The following ST7 variants were observed in gnomAD, a reference collection of about 807,000 sequenced individuals.
ST7 encodes the protein suppression of tumorigenicity 7.
A neutral mutation model predicts 78.7 loss-of-function variants in ST7; 28 were observed. That is an observed-to-expected ratio of 0.36 (90% CI 0.26 to 0.49). The LOEUF (loss-of-function observed/expected upper bound fraction) is 0.49, where lower values mean the gene tolerates loss of function less well. Ranked by LOEUF, ST7 falls within the 20% of genes least tolerant of loss-of-function variation. The pLI is 0.99. For synonymous variants in ST7, 247 were observed against 249.6 expected (o/e 0.99, Z 0.10); for missense variants, 418 against 696.0 (o/e 0.60, Z 4.49).
intron 9 of ST7, chr7:117,146,261 T>G (rs1805783974): frequency 2.0e-5 from 3 of 152,224 alleles, no homozygotes; most frequent in Admixed American, 2.0e-4. Flanking sequence ...GACTGAAGAC[T>G]GAAGGAGATG....
chr7:116,971,995 A>C (rs1228200149), intron 1 of ST7, among the ~76,000 whole-genome samples: 1 of 152,188 alleles, frequency 6.6e-6, no homozygotes, highest in African/African-American at 2.4e-5. Context: ...CTCCGGGAAG[A>C]GGCAGAGACA....
At chr7:117,176,239 G>A (rs1808336670) in intron 10 of ST7, among the ~76,000 whole-genome samples, 1 of 152,156 alleles carries the variant, frequency 6.6e-6, no homozygotes, top group Non-Finnish European at 1.5e-5. Context: ...ACGAACTAGG[G>A]ACAGCTGGTC....
At chr7:117,156,532 T>A (rs1263674122) in intron 9 of ST7, among the ~76,000 whole-genome samples, 1 of 151,954 alleles carries the variant, frequency 6.6e-6, no homozygotes, top group Admixed American at 6.6e-5. Flanking sequence ...GGTGAGGAGT[T>A]TGGGAGTTAT....
rs569085047 is a variant in ST7 at position 116,970,710 on chromosome 7, G to T, written c.151+17019G>T. ...ACAAATATTCAGTCCATAGCATTGT[G>T]GTTTGGCTTTCTGGACTGATTGTTG... On this transcript the variant is annotated intron_variant, in intron 1 of 15. Coordinates refer to ENST00000323984, the MANE Select transcript of ST7 (RefSeq NM_001369598.1). Among the ~76,000 whole-genome samples, 8 of 152,274 alleles carry T rather than the reference G, an allele frequency of 5.3e-5. No homozygotes were observed. The South Asian group carries it at 1.7e-3, about 32-fold the overall frequency.
At chr7:117,002,813 CTTTT>C (rs397970060) in intron 1 of ST7, among the ~76,000 whole-genome samples, 1 of 72,154 alleles carries the variant, frequency 1.4e-5, no homozygotes, top group African/African-American at 5.8e-5. Context: ...ATTTTTTTTC[CTTTT>C]TTTTTTTTTT....
chr7:117,150,965 A>T (rs116722587), intron 9 of ST7, among the ~76,000 whole-genome samples: 191 of 152,252 alleles, frequency 1.3e-3, no homozygotes, highest in African/African-American at 4.4e-3. Context: ...CACCTTTCAC[A>T]TTCAATTAAT....
intron 1 of ST7, among the ~76,000 whole-genome samples, chr7:117,086,605 T>G (rs562084680): frequency 2.6e-5 from 4 of 152,164 alleles, no homozygotes; most frequent in Non-Finnish European, 5.9e-5. Context: ...TTATTAGGGA[T>G]GAATTTAGCT....
intron 3 of ST7, among the ~76,000 whole-genome samples, chr7:117,123,687 A>G (rs1328008338): frequency 6.6e-6 from 1 of 152,210 alleles, no homozygotes; most frequent in Non-Finnish European, 1.5e-5. Context: ...TGAGCTGATG[A>G]TAAATAGGCA....
At chr7:116,994,377 T>C (rs1794557216) in intron 1 of ST7, among the ~76,000 whole-genome samples, 1 of 152,204 alleles carries the variant, frequency 6.6e-6, no homozygotes, top group Non-Finnish European at 1.5e-5. Flanking sequence ...TAAAAAATAC[T>C]TCACTCTCTG....
intron 1 of ST7, among the ~76,000 whole-genome samples, chr7:117,093,979 G>A (rs772516728): frequency 3.9e-5 from 6 of 152,142 alleles, no homozygotes; most frequent in African/African-American, 1.2e-4. Context: ...TAGTTGGGCC[G>A]CATTGTCCAT....
At chr7:117,065,954 G>A (rs1290202604) in intron 1 of ST7, among the ~76,000 whole-genome samples, 1 of 152,134 alleles carries the variant, frequency 6.6e-6, no homozygotes, top group East Asian at 1.9e-4. Context: ...CCTTGCCTCA[G>A]GAACTTTGCA....
chr7:117,167,857 C>T (rs950119230), intron 9 of ST7, among the ~76,000 whole-genome samples: 9 of 152,132 alleles, frequency 5.9e-5, no homozygotes, highest in Non-Finnish European at 1.0e-4. Context: ...AAGAAAAGGG[C>T]GGAGGGTGTC....
chr7:117,225,251 T>G (rs147887392), intron 15 of ST7, among the ~76,000 whole-genome samples: 194 of 152,234 alleles, frequency 1.3e-3, no homozygotes, highest in African/African-American at 4.3e-3. Flanking sequence ...TTTTCAAAGC[T>G]TTGGTTTTGA....
At chr7:117,134,230 A>G in intron 7 of ST7, 38 bp downstream of exon 7, 1 of 1,610,024 alleles carries the variant, frequency 6.2e-7, no homozygotes, top group Non-Finnish European at 8.5e-7. Context: ...ACTTCTAACC[A>G]AATGAGACTT....
chr7:117,078,716 T>C (rs151000030), intron 1 of ST7, among the ~76,000 whole-genome samples: 2 of 152,312 alleles, frequency 1.3e-5, no homozygotes, highest in East Asian at 3.9e-4. Flanking sequence ...ATGGATGTTG[T>C]TATGGGTTTG....
chr7:117,134,074 A>G, intron 6 of ST7, 50 bp from the exon 7 acceptor site: 1 of 1,605,726 alleles, frequency 6.2e-7, no homozygotes. Context: ...CTCTCTCTGA[A>G]TGTTCCTATC....
At chr7:117,079,968 CTTTTTTTTTTT>C (rs34326752) in intron 1 of ST7, among the ~76,000 whole-genome samples, 7 of 65,410 alleles carry the variant, frequency 1.1e-4, no homozygotes, top group East Asian at 5.2e-4. Context: ...TTTGTCATTC[CTTTTTTTTTTT>C]TTTTTTTTTT....
At chr7:117,136,745 G>A (rs1804823304) in intron 8 of ST7, 1 of 155,474 alleles carries the variant, frequency 6.4e-6, no homozygotes. Flanking sequence ...AAAGAGCCAT[G>A]AGCTCCTAGT....
At chr7:117,154,173 G>A (rs1299417610) in intron 9 of ST7, among the ~76,000 whole-genome samples, 2 of 152,116 alleles carry the variant, frequency 1.3e-5, no homozygotes, top group Non-Finnish European at 2.9e-5. Flanking sequence ...AGGTCATGAG[G>A]GTAGAGCCCT....
Sources: gnomAD v4.1 joint callset for allele counts (sites outside exome capture counted in the v4.1 genomes callset) on GRCh38, gnomAD v4.1.1 for gene constraint, MANE v1.5 for transcripts, NCBI Gene and HGNC (gene_info 2026-07-23, HGNC 2026-07-21) for gene names.